NRG1: variants seen among roughly 807,000 people sequenced by gnomAD.
The protein encoded by NRG1 is neuregulin 1.
In NRG1, 18 loss-of-function variants were observed where a neutral mutation model predicts 63.8. That is an observed-to-expected ratio of 0.28 (90% CI 0.19 to 0.42). NRG1 has a LOEUF of 0.42. NRG1 is among the 10% of genes least tolerant of loss of function. The probability of loss-of-function intolerance (pLI) is 1.00; values close to 1 mark genes in which losing one functional copy is unlikely to be tolerated. For missense variants in NRG1, 762 were observed against 814.7 expected (o/e 0.94, Z 0.79); for synonymous variants, 302 against 301.3 (o/e 1.00, Z -0.02).
At chr8:32,474,587 G>A (rs1824261459) in intron 1 of NRG1, among the ~76,000 whole-genome samples, 1 of 151,696 alleles carries the variant, frequency 6.6e-6, no homozygotes, top group South Asian at 2.1e-4. Context: ...CCGCCTCCCA[G>A]GTTCAAGTGA....
intron 1 of NRG1, among the ~76,000 whole-genome samples, chr8:32,457,203 T>C (rs1330092390): frequency 6.6e-6 from 1 of 152,194 alleles, no homozygotes; most frequent in Non-Finnish European, 1.5e-5. Context: ...CTGAAATCTA[T>C]CACAGTTCGA....
chr8:32,641,233 A>G (rs574094870), intron 5 of NRG1, among the ~76,000 whole-genome samples: 248 of 151,946 alleles, frequency 1.6e-3, no homozygotes, highest in African/African-American at 5.9e-3. Flanking sequence ...CCTGAGATTC[A>G]CTGCCATATT....
chr8:32,513,204 CGTGTGT>C (rs3031226), intron 1 of NRG1, among the ~76,000 whole-genome samples: 2 of 147,594 alleles, frequency 1.4e-5, no homozygotes, highest in Admixed American at 6.8e-5. Context: ...TGCGTGTGTG[CGTGTGT>C]GTGTGTGTGT....
In NRG1 at chr8:32,049,817, A is replaced by G. The variant is rs190475281; in HGVS notation, c.37+410386A>G. Among the ~76,000 whole-genome samples the G allele has an allele frequency of 2.6e-5, 4 of 152,264 alleles. No individual in the cohort carries two copies. In the East Asian group the frequency reaches 5.8e-4, roughly 22 times the overall value. On this transcript the variant is annotated intron_variant, in intron 1 of 10. Transcript: ENST00000519301. ...GAAGTGGAGAATTTCTGAAATTGTCATTGCAGACCCTCCAATCAGCCTGAT... is the reference window on the plus strand; with the variant it reads ...GAAGTGGAGAATTTCTGAAATTGTCGTTGCAGACCCTCCAATCAGCCTGAT...
intron 4 of NRG1, 146 bp downstream of exon 4, chr8:32,614,710 C>T (rs535437029): frequency 2.3e-5 from 17 of 749,316 alleles, no homozygotes; most frequent in Non-Finnish European, 3.5e-5. Context: ...CAACCTTGTT[C>T]TGTCTTTTTG....
At chr8:31,812,252 G>A (rs1303492548) in intron 1 of NRG1, among the ~76,000 whole-genome samples, 5 of 152,180 alleles carry the variant, frequency 3.3e-5, no homozygotes, top group Non-Finnish European at 2.9e-5. Flanking sequence ...GATTTCAAAT[G>A]CTAGCCTGTA....
intron 5 of NRG1, among the ~76,000 whole-genome samples, chr8:32,708,502 T>C (rs1389685913): frequency 3.3e-5 from 5 of 152,170 alleles, no homozygotes; most frequent in African/African-American, 1.2e-4. Context: ...ACTGAGAACC[T>C]CCATTGAATA....
At chr8:32,004,385 CTAATG>C (rs1191052695) in intron 1 of NRG1, among the ~76,000 whole-genome samples, 1 of 151,098 alleles carries the variant, frequency 6.6e-6, no homozygotes, top group Admixed American at 6.6e-5. Context: ...AGAGTGAAAT[CTAATG>C]TAAACTATGA....
intron 1 of NRG1, among the ~76,000 whole-genome samples, chr8:32,438,179 A>G (rs2129487236): frequency 6.6e-6 from 1 of 152,268 alleles, no homozygotes; most frequent in African/African-American, 2.4e-5. Context: ...AGCTACGTCT[A>G]CTTCCTTTGC....
At position 31,954,721 on chromosome 8, in the gene NRG1, A is replaced by G. The variant is rs189566788; in HGVS notation, c.37+315290A>G. 5.9e-5 allele frequency among the ~76,000 whole-genome samples: 9 copies of G among 152,354 alleles called. No individual in the cohort carries two copies. The East Asian group carries it at 1.7e-3, about 29-fold the overall frequency. On this transcript the variant is annotated intron_variant, in intron 1 of 10. Transcript: ENST00000519301. ...CTTCTCTCTTTGTGAAAATGGAATG[A>G]GTACTCTTGTAACATCTCTATATTT...
At chr8:32,548,247 A>G, upstream of NRG1, 1 of 985,776 alleles carries the variant, frequency 1.0e-6, no homozygotes, top group Non-Finnish European at 1.2e-6. Context: ...GCCTGCCTCC[A>G]ACCTGCGGGC....
intron 7 of NRG1, among the ~76,000 whole-genome samples, chr8:32,773,634 T>A (rs1010754786): frequency 6.6e-6 from 1 of 152,172 alleles, no homozygotes. Flanking sequence ...CGGCTCTTGT[T>A]TATGCTCTTA....
chr8:32,320,945 A>G (rs769362696), intron 1 of NRG1, among the ~76,000 whole-genome samples: 76 of 152,176 alleles, frequency 5.0e-4, no homozygotes, highest in Non-Finnish European at 7.9e-4. Context: ...GAGGAAATCA[A>G]TTTCCTCCCT....
At chr8:31,842,764 G>A (rs1459169236) in intron 1 of NRG1, among the ~76,000 whole-genome samples, 1 of 152,178 alleles carries the variant, frequency 6.6e-6, no homozygotes, top group African/African-American at 2.4e-5. Context: ...TAACTAGATA[G>A]ATAGTTTAAG....
chr8:32,229,838 C>A (rs1846723653), intron 1 of NRG1, among the ~76,000 whole-genome samples: 1 of 151,228 alleles, frequency 6.6e-6, no homozygotes, highest in South Asian at 2.1e-4. Flanking sequence ...TCTCTAGACA[C>A]ATTTTTTCAT....
intron 1 of NRG1, among the ~76,000 whole-genome samples, chr8:31,714,905 T>C (rs1812197351): frequency 1.3e-5 from 2 of 152,200 alleles, no homozygotes; most frequent in African/African-American, 2.4e-5. Flanking sequence ...ATTGTAACTT[T>C]AGTAGCCTTG....
chr8:32,471,448 AG>A (rs898091075), intron 1 of NRG1, among the ~76,000 whole-genome samples: 76 of 152,294 alleles, frequency 5.0e-4, no homozygotes, highest in African/African-American at 1.7e-3. Flanking sequence ...ATAAAAGGGT[AG>A]TGGTTCTAGA....
chr8:32,575,824 G>A (rs1839522966), intron 1 of NRG1, among the ~76,000 whole-genome samples: 1 of 152,116 alleles, frequency 6.6e-6, no homozygotes, highest in Non-Finnish European at 1.5e-5. Flanking sequence ...ATTTAAATCT[G>A]AGGACCCAGA....
chr8:31,800,626 G>T (rs1821673699), intron 1 of NRG1, among the ~76,000 whole-genome samples: 1 of 152,068 alleles, frequency 6.6e-6, no homozygotes, highest in Non-Finnish European at 1.5e-5. Context: ...TTTCTAAAGA[G>T]TAATCATAAA....
Sources: allele counts gnomAD v4.1 joint callset (sites outside exome capture counted in the v4.1 genomes callset), GRCh38; gene constraint gnomAD v4.1.1; transcripts MANE v1.5; gene names NCBI Gene and HGNC (gene_info 2026-07-23, HGNC 2026-07-21).